The following TOP2A variants were observed in gnomAD, a reference collection of about 807,000 sequenced individuals.
TOP2A encodes the protein DNA topoisomerase II alpha, also known as DNA topoisomerase 2-alpha.
Under a neutral mutation model 187.2 loss-of-function variants are expected in TOP2A, and 68 were observed. That is an observed-to-expected ratio of 0.36 (90% CI 0.30 to 0.44). TOP2A has a LOEUF of 0.44. Ranked by LOEUF, TOP2A falls within the 20% of genes least tolerant of loss-of-function variation. TOP2A has a pLI of 1.00. For missense variants in TOP2A, 1,196 were observed against 1,808.7 expected, an observed-to-expected ratio of 0.66 and a Z score of 6.14; for synonymous variants, 542 against 593.2, an observed-to-expected ratio of 0.91 and a Z score of 1.25.
intron 34 of TOP2A, 92 bp from the exon 35 acceptor site, chr17:40,389,739 A>G (rs1046966936): frequency 6.8e-7 from 1 of 1,461,472 alleles, no homozygotes; most frequent in Non-Finnish European, 9.1e-7. Flanking sequence ...ATATTCAAGG[A>G]GTTTTCTATT....
intron 14 of TOP2A, 50 bp downstream of exon 14, chr17:40,406,782 G>C: frequency 6.3e-7 from 1 of 1,576,510 alleles, no homozygotes; most frequent in Non-Finnish European, 8.7e-7. Context: ...ATCCAGGTTT[G>C]AGGAGTAGGG....
At chr17:40,413,835 A>G (rs1056860136) in intron 4 of TOP2A, among the ~76,000 whole-genome samples, 1 of 152,146 alleles carries the variant, frequency 6.6e-6, no homozygotes, top group Non-Finnish European at 1.5e-5. Flanking sequence ...CGTCTCTACT[A>G]AAAATAAAAA....
In TOP2A at chr17:40,388,592, A is replaced by G. The variant is rs907026532; in HGVS notation, c.*927T>C. 5.5e-6 allele frequency: 1 copy of G among 182,476 alleles called. No individual in the cohort carries two copies. Among genetic ancestry groups the G allele is most frequent in the African/African-American group, 2.4e-5 (1 of 42,508 alleles). 11.3% of individuals were successfully genotyped at this position (182,476 alleles called of 1,614,324 possible). On this transcript the variant is annotated 3_prime_UTR_variant, in exon 35 of 35. Transcript: ENST00000423485. ...AATTTAGCTAATAGAAAAACATAGT[A>G]AATATTTACAAAAACGTTGATAACA...
At chr17:40,404,711 G>T in intron 17 of TOP2A, 80 bp downstream of exon 17, 2 of 968,688 alleles carry the variant, frequency 2.1e-6, no homozygotes, top group South Asian at 1.5e-5. Context: ...TAACTATTCA[G>T]TAAGTTTAAT....
At position 40,411,913 on chromosome 17, in the gene TOP2A, G is replaced by T; in HGVS notation, c.790-95C>A. On this transcript the variant is annotated intron_variant, in intron 7 of 34. Transcript: ENST00000423485. The surrounding 1 kb of genome is among the most constrained non-coding windows in gnomAD (Gnocchi z 4.4). ...GACTTTCCAAAACCAATGCAATGAT[G>T]TTCACTGATAGGCATAAGGGAATGG... 9.9e-7 allele frequency: 1 copy of T among 1,012,558 alleles called. No individual in the cohort carries two copies. The highest frequency in any genetic ancestry group is 1.4e-6 in the Non-Finnish European group (1 of 709,036). The allele number at this position is 1,012,558 out of a possible 1,614,324, so 62.7% of individuals were successfully genotyped here. A position where few individuals can be genotyped will look rare whatever the true frequency, so the allele number is the denominator to read the frequency against.
In TOP2A at chr17:40,411,837, T is replaced by A; in HGVS notation, c.790-19A>T. 6.4e-7 allele frequency: 1 copy of A among 1,552,706 alleles called. No homozygotes were observed. Among genetic ancestry groups the A allele is most frequent in the East Asian group, 2.2e-5 (1 of 44,490 alleles). Reference sequence around the variant, plus strand: ...CTTTTACCTGTACAGGAATTAAAGGTAACAGTATTAAGAAAGTTATTAAAA... The same window carrying A: ...CTTTTACCTGTACAGGAATTAAAGGAAACAGTATTAAGAAAGTTATTAAAA... On this transcript the variant is annotated intron_variant, in intron 7 of 34. Transcript: ENST00000423485. The surrounding 1 kb of genome is among the most constrained non-coding windows in gnomAD (Gnocchi z 4.4).
Position 40,407,655 on chromosome 17 carries a change from AT to A in TOP2A, c.1519del (p.Ile507LeufsTer22). ...SHKQIMENAEINNIIKIVGLQ... is the reference protein window; with the variant it reads ...SHKQIMENAEXNNIIKIVGLQ... Reference sequence around the variant, plus strand: ...ACCCACAATCTTGATGATATTGTTAATCTCAGCATTTTCCATGATCTGAAAT... The same window carrying A: ...ACCCACAATCTTGATGATATTGTTAACTCAGCATTTTCCATGATCTGAAAT... On this transcript the variant is annotated frameshift_variant, in exon 13 of 35. Coordinates refer to ENST00000423485, the MANE Select transcript of TOP2A (RefSeq NM_001067.4). LOFTEE classifies it high-confidence loss of function. 1 of 1,580,190 alleles carries A rather than the reference AT, an allele frequency of 6.3e-7. No homozygotes were observed. Among genetic ancestry groups the A allele is most frequent in the South Asian group, 1.2e-5 (1 of 83,828 alleles).
intron 16 of TOP2A, 106 bp from the exon 17 acceptor site, chr17:40,404,989 C>CA: frequency 1.5e-6 from 1 of 682,116 alleles, no homozygotes; most frequent in Non-Finnish European, 2.4e-6. Flanking sequence ...ATACTGTTTT[C>CA]CTTTTTTTTT....
At chr17:40,397,253 T>C (rs1404062512) in intron 27 of TOP2A, among the ~76,000 whole-genome samples, 6 of 150,790 alleles carry the variant, frequency 4.0e-5, no homozygotes, top group African/African-American at 1.5e-4. Flanking sequence ...ACAAATAACC[T>C]TCTGAAACCA....
chr17:40,404,674 T>C (rs1242224111), intron 17 of TOP2A, 117 bp downstream of exon 17: 4 of 784,478 alleles, frequency 5.1e-6, no homozygotes, highest in South Asian at 3.3e-5. Flanking sequence ...GCTGCACAAC[T>C]CTATCATATC....
intron 14 of TOP2A, 42 bp from the exon 15 acceptor site, chr17:40,406,731 G>A (rs766469196): frequency 1.9e-6 from 3 of 1,585,182 alleles, no homozygotes; most frequent in Non-Finnish European, 2.6e-6. Flanking sequence ...ACACTGTGGG[G>A]TCCCCTGTAT....
At position 40,402,850 on chromosome 17, in the gene TOP2A, TCA is replaced by T. The variant is rs1343821065; in HGVS notation, c.2432+54_2432+55del. 2.0e-6 allele frequency: 3 copies of T among 1,525,764 alleles called. No homozygotes were observed. In the Admixed American group the frequency reaches 6.2e-5, roughly 32 times the overall value. The allele number at this position is 1,525,764 out of a possible 1,614,324, so 94.5% of individuals were successfully genotyped here. Reference sequence around the variant, plus strand: ...TTTTGTATTTTTGGTGAACTAAATCTCACATTGTTTCAAAACTGGAAATGGCA... The same window carrying T: ...TTTTGTATTTTTGGTGAACTAAATCTCATTGTTTCAAAACTGGAAATGGCA... On this transcript the variant is annotated intron_variant, in intron 20 of 34. Transcript: ENST00000423485.
rs35730982 is a variant in TOP2A at position 40,403,062 on chromosome 17, GA to G, written c.2284-9del. The stretch of plus-strand genomic sequence containing the variant: ...GGTCATCATTAGTGACATCTGTGGG[GA>G]AAAAAAGATTCATTAAGCTGAGGCT... On this transcript the variant is annotated splice_polypyrimidine_tract_variant and intron_variant, in intron 19 of 34. Transcript: ENST00000423485. 0.025 allele frequency: 40,323 copies of G among 1,583,838 alleles called. 716 individuals carry two copies. Among genetic ancestry groups the G allele is most frequent in the African/African-American group, 0.084 (6,222 of 74,166 alleles).
At position 40,409,898 on chromosome 17, in the gene TOP2A, G is replaced by T. The variant is rs938766482; in HGVS notation, c.1203+1211C>A. 6 of 166,084 alleles carry T rather than the reference G, an allele frequency of 3.6e-5. No homozygotes were observed. The Admixed American group carries it at 3.8e-4, about 10-fold the overall frequency. 10.3% of individuals were successfully genotyped at this position (166,084 alleles called of 1,614,324 possible). ...AGTTTGAGACCAGCCTGACCAACAT[G>T]GTGAAACCCTGTCTCTACTGAAAAT... On this transcript the variant is annotated intron_variant, in intron 10 of 34. Coordinates refer to ENST00000423485, the MANE Select transcript of TOP2A (RefSeq NM_001067.4).
In TOP2A at chr17:40,411,431, C is replaced by T. The variant is rs755327161; in HGVS notation, c.988G>A (p.Ala330Thr). ...ACAAGTTTAGTCACAATCTGATCAG[C>T]TACATAATCAACATGTCTGCCACCC... ...SKGGRHVDYV[A>T]DQIVTKLVDV... Residue 330 changes from alanine (A) to threonine (T), a missense_variant, in exon 9 of 35, where the codon GCT becomes ACT. Ala to Thr is a moderately conservative substitution (Grantham distance 58). This residue lies in a region of TOP2A where 252 missense variants were observed against 434.8 expected (regional missense o/e 0.58). Coordinates refer to ENST00000423485, the MANE Select transcript of TOP2A (RefSeq NM_001067.4). The surrounding 1 kb of genome is among the most constrained non-coding windows in gnomAD (Gnocchi z 4.4). The T allele has an allele frequency of 6.2e-7, 1 of 1,613,672 alleles. No homozygotes were observed. The highest frequency in any genetic ancestry group is 1.3e-5 in the African/African-American group (1 of 74,890).
At position 40,416,801 on chromosome 17, in the gene TOP2A, T is replaced by G. The variant is rs773891227; in HGVS notation, c.116A>C (p.Gln39Pro). The G allele has an allele frequency of 6.2e-7, 1 of 1,613,524 alleles. No individual in the cohort carries two copies. The highest frequency in any genetic ancestry group is 8.5e-7 in the Non-Finnish European group (1 of 1,179,782). Residue 39 changes from glutamine (Q) to proline (P), a missense_variant, in exon 2 of 35, where the codon CAA (glutamine) becomes CCA (proline). Around this residue, in one of 10 missense-constraint regions of TOP2A, gnomAD observed 97 missense variants for 171.0 expected, o/e 0.57. Coordinates refer to ENST00000423485, the MANE Select transcript of TOP2A (RefSeq NM_001067.4). The stretch of plus-strand genomic sequence containing the variant: ...TGGGCGGAGCAAAATATGTTCCAAT[T>G]GTGTTTTCTTTTGATAGATTCTTTC... ...SVERIYQKKT[Q>P]LEHILLRPDT...
rs537616914 is a variant in TOP2A at position 40,408,950 on chromosome 17, T to C, written c.1204-320A>G. 58 of 459,186 alleles carry C rather than the reference T, an allele frequency of 1.3e-4. No individual in the cohort carries two copies. The East Asian group carries it at 3.4e-3, about 27-fold the overall frequency. 28.4% of individuals were successfully genotyped at this position (459,186 alleles called of 1,614,324 possible). Reference sequence around the variant, plus strand: ...TGGCTCACGCCTATAATCCCAGCACTTTAGGAGGCCAAGGTGGGCAGAACA... The same window carrying C: ...TGGCTCACGCCTATAATCCCAGCACCTTAGGAGGCCAAGGTGGGCAGAACA... On this transcript the variant is annotated intron_variant, in intron 10 of 34. Transcript: ENST00000423485.
In TOP2A at chr17:40,407,609, A is replaced by G. The variant is rs767870812; in HGVS notation, c.1566T>C (p.Tyr522=). The change falls in exon 13 of 35, where the codon TAT becomes TAC. Residue 522 remains tyrosine (Y), a synonymous_variant. Transcript: ENST00000423485. ...GCGTCTTCAATGAATCTTCATCTTC[A>G]TAGTTTTTCTTGTACTGAAGACCCA... ...KIVGLQYKKN[Y]EDEDSLKTLR... is the part of the protein sequence containing the mutation. 6 of 1,597,426 alleles carry G rather than the reference A, an allele frequency of 3.8e-6. No individual in the cohort carries two copies. The Admixed American group carries it at 7.3e-5, about 19-fold the overall frequency.
At chr17:40,395,564 G>C in intron 28 of TOP2A, 25 bp from the exon 29 acceptor site, 3 of 1,500,560 alleles carry the variant, frequency 2.0e-6, no homozygotes, top group Non-Finnish European at 1.8e-6. Context: ...AGTTAGGGTT[G>C]GATATAGAAT....
Sources: allele counts gnomAD v4.1 joint callset (sites outside exome capture counted in the v4.1 genomes callset), GRCh38; gene constraint gnomAD v4.1.1; regional missense constraint gnomAD v4.1.1; non-coding constraint Gnocchi (gnomAD v3.1); transcripts MANE v1.5; gene names NCBI Gene and HGNC (gene_info 2026-07-23, HGNC 2026-07-21).